CD1D: variants seen among roughly 807,000 people sequenced by gnomAD.
The protein encoded by CD1D is antigen-presenting glycoprotein CD1d.
In CD1D, 40 loss-of-function variants were observed where a neutral mutation model predicts 42.1. The observed-to-expected ratio is 0.95, with a 90% CI of 0.74 to 1.24. CD1D has a LOEUF of 1.24. Ranked by LOEUF, CD1D falls within the 50% of genes most tolerant of loss-of-function variation. CD1D has a pLI of 0.00. For synonymous variants in CD1D, 178 were observed against 171.8 expected (o/e 1.04, Z -0.28); for missense variants, 437 against 416.5 (o/e 1.05, Z -0.43).
chr1:158,178,809 A>C (rs859005), upstream of CD1D, among the ~76,000 whole-genome samples: 19,762 of 152,214 alleles, frequency 0.13, 1,709 homozygotes, highest in East Asian at 0.43. Flanking sequence ...TTGTTATAAA[A>C]TATTTTGTTT....
At position 158,184,316 on chromosome 1, in the gene CD1D, T is replaced by C; in HGVS notation, c.*166T>C. ...CATGAGGCAGCTTTCATCACACCCT[T>C]TTAACATTTATCTAAAAGAATTTAA... On this transcript the variant is annotated 3_prime_UTR_variant, in exon 6 of 6. Coordinates refer to ENST00000674085, the MANE Select transcript of CD1D (RefSeq NM_001371762.2). 1 of 672,266 alleles carries C rather than the reference T, an allele frequency of 1.5e-6. No homozygotes were observed. The highest frequency in any genetic ancestry group is 2.6e-6 in the Non-Finnish European group (1 of 383,620). 41.6% of individuals were successfully genotyped at this position (672,266 alleles called of 1,614,324 possible). A position where few individuals can be genotyped will look rare whatever the true frequency, so the allele number is the denominator to read the frequency against.
Position 158,182,885 on chromosome 1 carries a change from C to T in CD1D, c.615C>T (p.Pro205=). The T allele has an allele frequency of 6.2e-7, 1 of 1,606,916 alleles. No homozygotes were observed. The part of the protein sequence containing the change: ...GKSELKKQVK[P]KAWLSRGPSP... ...TTCCCTTGTTGGATACAGTGAAGCC[C>T]AAGGCCTGGCTGTCCCGTGGCCCCA... Residue 205 remains proline, a synonymous_variant, in exon 4 of 6, where the codon CCC becomes CCT. Coordinates refer to ENST00000674085, the MANE Select transcript of CD1D (RefSeq NM_001371762.2).
At chr1:158,181,848 T>C in intron 2 of CD1D, 127 bp downstream of exon 2, 1 of 1,392,956 alleles carries the variant, frequency 7.2e-7, no homozygotes, top group Non-Finnish European at 9.9e-7. Flanking sequence ...TGATTTCCCT[T>C]CTACCTGGAG....
chr1:158,181,393 T>A (rs1648401343), intron 1 of CD1D, 62 bp from the exon 2 acceptor site: 18 of 1,592,430 alleles, frequency 1.1e-5, no homozygotes, highest in Non-Finnish European at 1.5e-5. Context: ...TTCTTCCTTC[T>A]CTTTATGCTG....
chr1:158,182,749 G>T, intron 3 of CD1D, 129 bp from the exon 4 acceptor site: 1 of 1,108,816 alleles, frequency 9.0e-7, no homozygotes, highest in Non-Finnish European at 1.3e-6. Context: ...TTCCAGAAGT[G>T]AACATGTCAG....
chr1:158,178,843 C>T (rs1167643224), upstream of CD1D, among the ~76,000 whole-genome samples: 1 of 152,120 alleles, frequency 6.6e-6, no homozygotes, highest in Non-Finnish European at 1.5e-5. Flanking sequence ...CAAAACGTTT[C>T]ATAATTCAAT....
chr1:158,179,281 C>T (rs757801442), upstream of CD1D, among the ~76,000 whole-genome samples: 4 of 152,180 alleles, frequency 2.6e-5, no homozygotes, highest in Middle Eastern at 3.4e-3. Context: ...TACAAGAACA[C>T]GTTACTATGT....
rs1355878184 is a variant in CD1D at position 158,182,968 on chromosome 1, C to T, written c.698C>T (p.Pro233Leu). The change falls in exon 4 of 6, where the codon CCT becomes CTT. Residue 233 changes from proline (P) to leucine (L), a missense_variant. Coordinates refer to ENST00000674085, the MANE Select transcript of CD1D (RefSeq NM_001371762.2). ...CATGTCTCAGGATTCTACCCAAAGC[C>T]TGTATGGGTGAAGTGGATGCGGGGT... Reference protein sequence around the residue: ...VCHVSGFYPKPVWVKWMRGEQ... With the variant: ...VCHVSGFYPKLVWVKWMRGEQ... The T allele has an allele frequency of 6.2e-7, 1 of 1,614,188 alleles. No homozygotes were observed. Among genetic ancestry groups the T allele is most frequent in the Admixed American group, 1.7e-5 (1 of 60,022 alleles).
rs1307912360 is a variant in CD1D at position 158,184,982 on chromosome 1, T to C, written c.*832T>C. On this transcript the variant is annotated 3_prime_UTR_variant, in exon 6 of 6. Transcript: ENST00000674085. ...ATCACTTTTTTTCCTTGGAGGAAGA[T>C]TGTCATGAAGGCATCCCTTCCTTCC... is the stretch of plus-strand genomic sequence containing the variant. 6.6e-6 allele frequency: 1 copy of C among 152,196 alleles called. No individual in the cohort carries two copies. Among genetic ancestry groups the C allele is most frequent in the East Asian group, 1.9e-4 (1 of 5,196 alleles). 9.4% of individuals were successfully genotyped at this position (152,196 alleles called of 1,614,324 possible). A position where few individuals can be genotyped will look rare whatever the true frequency, so the allele number is the denominator to read the frequency against.
upstream of CD1D, among the ~76,000 whole-genome samples, chr1:158,179,093 A>C (rs1311327800): frequency 6.6e-6 from 1 of 152,252 alleles, no homozygotes; most frequent in Non-Finnish European, 1.5e-5. Context: ...AGATACACAA[A>C]AACTAAACAG....
upstream of CD1D, chr1:158,180,056 G>A (rs941968150): frequency 2.0e-5 from 3 of 152,208 alleles, no homozygotes; most frequent in Non-Finnish European, 2.9e-5. Flanking sequence ...AAAAAGAAGT[G>A]AAATAGAGAT....
In CD1D at chr1:158,181,344, G is replaced by GC. The variant is rs142811575; in HGVS notation, c.62-110dup. 5.3e-4 allele frequency: 789 copies of GC among 1,489,586 alleles called. 3 individuals are homozygous for GC. The African/African-American group carries it at 9.3e-3, about 18-fold the overall frequency. The allele number at this position is 1,489,586 out of a possible 1,614,324, so 92.3% of individuals were successfully genotyped here. On this transcript the variant is annotated intron_variant, in intron 1 of 5. Coordinates refer to ENST00000674085, the MANE Select transcript of CD1D (RefSeq NM_001371762.2). Reference sequence around the variant, plus strand: ...AGGCAGCGCGGCACAGAGTTCGCTGGCATCAGCCGCCTCCTGAAGCTCATC... The same window carrying GC: ...AGGCAGCGCGGCACAGAGTTCGCTGGCCATCAGCCGCCTCCTGAAGCTCATC...
rs1331948189 is a variant in CD1D, at chr1:158,185,655, G to C, written c.*1505G>C. Among the ~76,000 whole-genome samples the C allele has an allele frequency of 6.6e-6, 1 of 152,112 alleles. No homozygotes were observed. Among genetic ancestry groups the C allele is most frequent in the African/African-American group, 2.4e-5 (1 of 41,428 alleles). ...TGTGAGCTGTGATTGTGTCACTACA[G>C]TGTAAGGATGACAGAGGGAGACCCT... On this transcript the variant is annotated 3_prime_UTR_variant, in exon 6 of 6. Coordinates refer to ENST00000674085, the MANE Select transcript of CD1D (RefSeq NM_001371762.2).
At chr1:158,182,707 A>G (rs1648503281) in intron 3 of CD1D, among the ~76,000 whole-genome samples, 171 bp from the exon 4 acceptor site, 1 of 152,228 alleles carries the variant, frequency 6.6e-6, no homozygotes, top group Non-Finnish European at 1.5e-5. Flanking sequence ...AGAAGGTGGG[A>G]CAAATGGATT....
chr1:158,184,265 G>A lies in CD1D; in HGVS notation c.*115G>A. 9.5e-7 allele frequency: 1 copy of A among 1,050,178 alleles called. No individual in the cohort carries two copies. Among genetic ancestry groups the A allele is most frequent in the African/African-American group, 1.6e-5 (1 of 62,972 alleles). The allele number at this position is 1,050,178 out of a possible 1,614,324, so 65.1% of individuals were successfully genotyped here. The stretch of plus-strand genomic sequence containing the variant: ...GATGTAAGGAATTGAAGATAGGAGA[G>A]ATACCTTGAAAAAGTAGAGAACAGT... On this transcript the variant is annotated 3_prime_UTR_variant, in exon 6 of 6. Coordinates refer to ENST00000674085, the MANE Select transcript of CD1D (RefSeq NM_001371762.2).
At chr1:158,180,010 G>C (rs1203502700), upstream of CD1D, 1 of 152,106 alleles carries the variant, frequency 6.6e-6, no homozygotes, top group Non-Finnish European at 1.5e-5. Context: ...GGTGACGGTG[G>C]AAATATAGAA....
intron 1 of CD1D, 131 bp from the exon 2 acceptor site, chr1:158,181,324 G>A (rs1648394261): frequency 6.9e-7 from 1 of 1,445,988 alleles, no homozygotes; most frequent in Admixed American, 1.8e-5. Flanking sequence ...GGGAGAGGCA[G>A]CGCGGCACAG....
Position 158,181,526 on chromosome 1 carries a change from G to A in CD1D, c.133G>A (p.Asp45Asn), listed in dbSNP as rs755379238. 3.1e-6 allele frequency: 5 copies of A among 1,614,170 alleles called. No individual in the cohort carries two copies. In the Admixed American group the frequency reaches 6.7e-5, roughly 22 times the overall value. The change falls in exon 2 of 6, where the codon GAC becomes AAC. Residue 45 changes from aspartate to asparagine, a missense_variant. Asp to Asn is a conservative substitution (Grantham distance 23). Coordinates refer to ENST00000674085, the MANE Select transcript of CD1D (RefSeq NM_001371762.2). ...CGCCAATAGCAGCTGGACGCGCACCGACGGCTTGGCGTGGCTGGGGGAGCT... is the reference window on the plus strand; with the variant it reads ...CGCCAATAGCAGCTGGACGCGCACCAACGGCTTGGCGTGGCTGGGGGAGCT... ...SFANSSWTRT[D>N]GLAWLGELQT...
At position 158,185,996 on chromosome 1, in the gene CD1D, G is replaced by A. The variant is rs372164816; in HGVS notation, c.*1846G>A. The stretch of plus-strand genomic sequence containing the variant: ...AGTCAGGGAAGGCGTCCTGGAGGGA[G>A]GGGAATTTGAAGCAGAGCTTTGAAA... On this transcript the variant is annotated 3_prime_UTR_variant, in exon 6 of 6. Transcript: ENST00000674085. Among the ~76,000 whole-genome samples, 102 of 152,350 alleles carry A rather than the reference G, an allele frequency of 6.7e-4. 3 individuals are homozygous for A. In the South Asian group the frequency reaches 0.021, roughly 31 times the overall value.
Sources: allele counts gnomAD v4.1 joint callset (sites outside exome capture counted in the v4.1 genomes callset), GRCh38; gene constraint gnomAD v4.1.1; transcripts MANE v1.5; gene names NCBI Gene and HGNC (gene_info 2026-07-23, HGNC 2026-07-21).